ANKRD44: variants seen among roughly 807,000 people sequenced by gnomAD.
The protein encoded by ANKRD44 is serine/threonine-protein phosphatase 6 regulatory ankyrin repeat subunit B.
A neutral mutation model predicts 116.0 loss-of-function variants in ANKRD44; 35 were observed. The ratio of observed to expected loss-of-function variants is 0.30; its 90% CI spans 0.23 to 0.40. The LOEUF is 0.40. Among genes scored for constraint, ANKRD44 ranks in the 10% least tolerant of loss-of-function variants. ANKRD44 has a pLI of 1.00. For missense variants in ANKRD44, 1,014 were observed against 1,242.6 expected, an observed-to-expected ratio of 0.82 and a Z score of 2.77; for synonymous variants, 435 against 461.8, an observed-to-expected ratio of 0.94 and a Z score of 0.74.
chr2:197,013,848 A>G (rs2076340505), intron 17 of ANKRD44, 136 bp from the exon 18 acceptor site: 10 of 810,394 alleles, frequency 1.2e-5, no homozygotes, highest in Non-Finnish European at 2.0e-5. Context: ...CACTTGGAAT[A>G]TTTATTAAAA....
chr2:197,173,815 C>T (rs1248155990), intron 2 of ANKRD44, among the ~76,000 whole-genome samples: 1 of 152,066 alleles, frequency 6.6e-6, no homozygotes, highest in Non-Finnish European at 1.5e-5. Context: ...GGTGGATCAC[C>T]TGAGGTCAGG....
At chr2:197,310,084 A>G (rs2084200222) in intron 1 of ANKRD44, among the ~76,000 whole-genome samples, 1 of 152,180 alleles carries the variant, frequency 6.6e-6, no homozygotes, top group African/African-American at 2.4e-5. Context: ...CGGATGTCAC[A>G]TCCAACGGAT....
rs758694003 is a variant in ANKRD44 at position 197,110,778 on chromosome 2, G to C, written c.973C>G (p.Leu325Val). 1.2e-6 allele frequency: 2 copies of C among 1,613,250 alleles called. No homozygotes were observed. Among genetic ancestry groups the C allele is most frequent in the Admixed American group, 1.7e-5 (1 of 60,006 alleles). ...VHGRFTRSQTLIQNGGEIDCV... is the reference protein window; with the variant it reads ...VHGRFTRSQTVIQNGGEIDCV... ...GCATCTCTCTTACCATTCTGAATGA[G>C]GGTCTGTGACCGTGTGAACCTTCCA... Residue 325 changes from leucine (L) to valine (V), a missense_variant, in exon 9 of 28, where the codon CTC (leucine) becomes GTC (valine). Leu to Val is a conservative substitution (Grantham distance 32, BLOSUM62 1). Coordinates refer to ENST00000282272, the MANE Select transcript of ANKRD44 (RefSeq NM_001195144.2).
At chr2:197,220,789 G>A (rs2081567800) in intron 1 of ANKRD44, among the ~76,000 whole-genome samples, 3 of 152,040 alleles carry the variant, frequency 2.0e-5, no homozygotes, top group South Asian at 2.1e-4. Context: ...TTATTAAAGG[G>A]GCATTCAGGA....
chr2:197,055,280 T>C (rs962868687), intron 16 of ANKRD44, among the ~76,000 whole-genome samples: 1 of 152,186 alleles, frequency 6.6e-6, no homozygotes, highest in African/African-American at 2.4e-5. Flanking sequence ...ATTTTTCTAT[T>C]GGGTTATCTA....
intron 2 of ANKRD44, among the ~76,000 whole-genome samples, chr2:197,170,116 G>GGAAGT (rs1037095392): frequency 8.8e-5 from 13 of 147,860 alleles, no homozygotes; most frequent in African/African-American, 2.7e-4. Flanking sequence ...TAGGAACCGA[G>GGAAGT]GAAGTTGAGG....
At chr2:197,044,409 C>T (rs189735045) in intron 16 of ANKRD44, among the ~76,000 whole-genome samples, 2 of 152,232 alleles carry the variant, frequency 1.3e-5, no homozygotes, top group African/African-American at 4.8e-5. Flanking sequence ...TTCTGTTGCC[C>T]AGGCTGGAGT....
chr2:197,041,375 TA>T (rs2076908511), intron 16 of ANKRD44, among the ~76,000 whole-genome samples: 1 of 152,174 alleles, frequency 6.6e-6, no homozygotes, highest in South Asian at 2.1e-4. Flanking sequence ...GTCCCTGCAG[TA>T]GCCAGTAACA....
At chr2:197,088,976 T>C in intron 11 of ANKRD44, 1 of 438,180 alleles carries the variant, frequency 2.3e-6, no homozygotes, top group Non-Finnish European at 4.0e-6. Context: ...AACCGTGAAG[T>C]CAAGAAGGAT....
At position 197,025,354 on chromosome 2, in the gene ANKRD44, G is replaced by A. The variant is rs531103497; in HGVS notation, c.1651-87C>T. 1.6e-5 allele frequency: 15 copies of A among 957,962 alleles called. No homozygotes were observed. The East Asian group carries it at 3.8e-4, about 24-fold the overall frequency. 59.3% of individuals were successfully genotyped at this position (957,962 alleles called of 1,614,324 possible). On this transcript the variant is annotated intron_variant, in intron 16 of 27. Coordinates refer to ENST00000282272, the MANE Select transcript of ANKRD44 (RefSeq NM_001195144.2). ...ATGAGAAAAGAGGTTTCAGAAACTTGAGAAGTTATGCAATTTATCAGTAAT... is the reference window on the plus strand; with the variant it reads ...ATGAGAAAAGAGGTTTCAGAAACTTAAGAAGTTATGCAATTTATCAGTAAT...
chr2:196,999,786 G>A (rs1240952922), intron 23 of ANKRD44, among the ~76,000 whole-genome samples: 1 of 151,872 alleles, frequency 6.6e-6, no homozygotes. Context: ...GTAGAGATGG[G>A]GTTTCACCAT....
intron 21 of ANKRD44, among the ~76,000 whole-genome samples, 174 bp from the exon 22 acceptor site, chr2:197,002,014 C>T (rs1281849766): frequency 6.6e-6 from 1 of 152,154 alleles, no homozygotes; most frequent in Non-Finnish European, 1.5e-5. Context: ...AACATGTTCA[C>T]AGGTGTTCTG....
rs940827316 is a variant in ANKRD44 at position 197,310,736 on chromosome 2, T to G, written c.-132A>C. ...CTCCCGAATTTGACAGCCCTCCCCC[T>G]GCTCCTCCTCCGCCGCCGCCTCCTC... On this transcript the variant is annotated 5_prime_UTR_variant, in exon 1 of 28. Coordinates refer to ENST00000282272, the MANE Select transcript of ANKRD44 (RefSeq NM_001195144.2). The G allele has an allele frequency of 4.0e-4, 358 of 904,356 alleles. No individual in the cohort carries two copies. Among genetic ancestry groups the G allele is most frequent in the Non-Finnish European group, 4.2e-4 (292 of 696,420 alleles). The allele number at this position is 904,356 out of a possible 1,614,324, so 56.0% of individuals were successfully genotyped here. A position where few individuals can be genotyped will look rare whatever the true frequency, so the allele number is the denominator to read the frequency against.
intron 1 of ANKRD44, among the ~76,000 whole-genome samples, chr2:197,286,967 T>G (rs2083424874): frequency 6.6e-6 from 1 of 152,126 alleles, no homozygotes; most frequent in African/African-American, 2.4e-5. Flanking sequence ...AGGCAGAGCA[T>G]GCAGGATTTT....
intron 19 of ANKRD44, among the ~76,000 whole-genome samples, chr2:197,008,663 A>G (rs905669083): frequency 6.6e-6 from 1 of 152,210 alleles, no homozygotes; most frequent in African/African-American, 2.4e-5. Flanking sequence ...AATGGGCGGA[A>G]AGAGGGAACA....
rs546173290 is a variant in ANKRD44, at chr2:197,001,624, T to G, written c.2435+129A>C. 7 of 645,240 alleles carry G rather than the reference T, an allele frequency of 1.1e-5. No homozygotes were observed. The African/African-American group carries it at 1.3e-4, about 12-fold the overall frequency. 40.0% of individuals were successfully genotyped at this position (645,240 alleles called of 1,614,324 possible). On this transcript the variant is annotated intron_variant, in intron 22 of 27. Coordinates refer to ENST00000282272, the MANE Select transcript of ANKRD44 (RefSeq NM_001195144.2). ...ATTTTGCTATCAGATCTACTTGTCT[T>G]TAGCAGCAAAAATGGAATATTTCAG...
downstream of ANKRD44, among the ~76,000 whole-genome samples, chr2:196,986,141 T>G (rs1381030892): frequency 6.6e-6 from 1 of 152,226 alleles, no homozygotes; most frequent in Non-Finnish European, 1.5e-5. Context: ...TCTGTTTGTA[T>G]TCTTTTTCTC....
In ANKRD44 at chr2:196,990,832, T is replaced by C. The variant is rs2075901532; in HGVS notation, c.2924-1183A>G. The C allele has an allele frequency of 2.4e-6, 3 of 1,232,294 alleles. No homozygotes were observed. In the South Asian group the frequency reaches 1.2e-4, roughly 51 times the overall value. 76.3% of individuals were successfully genotyped at this position (1,232,294 alleles called of 1,614,324 possible). A position where few individuals can be genotyped will look rare whatever the true frequency, so the allele number is the denominator to read the frequency against. On this transcript the variant is annotated intron_variant, in intron 27 of 27. Coordinates refer to ENST00000282272, the MANE Select transcript of ANKRD44 (RefSeq NM_001195144.2). ...CAAACGAAGTTGACAGCCATCATTG[T>C]ACTGGAAGGAGAAAAAGGCATCATG...
At chr2:197,187,365 T>G (rs2080703956) in intron 1 of ANKRD44, among the ~76,000 whole-genome samples, 1 of 152,206 alleles carries the variant, frequency 6.6e-6, no homozygotes, top group Admixed American at 6.5e-5. Context: ...GAATGTACCA[T>G]GAACACCACC....
Sources: gnomAD v4.1 joint callset for allele counts (sites outside exome capture counted in the v4.1 genomes callset) on GRCh38, gnomAD v4.1.1 for gene constraint, MANE v1.5 for transcripts, NCBI Gene and HGNC (gene_info 2026-07-23, HGNC 2026-07-21) for gene names.